The following MRPL43 variants were observed in gnomAD, a reference collection of about 807,000 sequenced individuals.
MRPL43 encodes large ribosomal subunit protein mL43.
A neutral mutation model predicts 12.7 loss-of-function variants in MRPL43; 9 were observed. That is an observed-to-expected ratio of 0.71 (90% CI 0.43 to 1.24). MRPL43 has a LOEUF of 1.24. MRPL43 is among the 50% of genes most tolerant of loss of function. MRPL43 has a pLI of 0.00. For missense variants in MRPL43, 211 were observed against 229.2 expected (o/e 0.92, Z 0.51); for synonymous variants, 116 against 96.4 (o/e 1.20, Z -1.19).
At chr10:100,978,414 A>AGAC, downstream of MRPL43, 1 of 1,609,222 alleles carries the variant, frequency 6.2e-7, no homozygotes, top group South Asian at 1.1e-5. Context: ...TCCCTATCAC[A>AGAC]GACATGGTAT....
intron 2 of MRPL43, 56 bp from the exon 3 acceptor site, chr10:100,987,031 G>A (rs1193914182): frequency 1.2e-6 from 2 of 1,607,118 alleles, no homozygotes; most frequent in Non-Finnish European, 1.7e-6. Flanking sequence ...CAAGCGAGAA[G>A]GAGGATAGCG....
At chr10:100,978,542 C>T (rs773841551), downstream of MRPL43, 16 of 1,613,996 alleles carry the variant, frequency 9.9e-6, no homozygotes, top group Non-Finnish European at 1.1e-5. Context: ...GGCCTCTACA[C>T]AGCCACTAGG....
chr10:100,986,175 C>T (rs1851453266), downstream of MRPL43: 4 of 575,954 alleles, frequency 6.9e-6, no homozygotes, highest in Non-Finnish European at 9.5e-6. Flanking sequence ...TTGATACTAA[C>T]CACCTGACAG....
chr10:100,987,210 G>A lies in MRPL43; in HGVS notation c.132-14C>T. 1.2e-6 allele frequency: 2 copies of A among 1,613,720 alleles called. No individual in the cohort carries two copies. The highest frequency in any genetic ancestry group is 2.2e-5 in the South Asian group (2 of 91,092). On this transcript the variant is annotated splice_polypyrimidine_tract_variant and intron_variant, in intron 1 of 2. Transcript: ENST00000318364. ...TCCACGAACTCCCTAAGCGACCCGG[G>A]ACAGTGAGCAGTATGACCCCTGACT...
downstream of MRPL43, among the ~76,000 whole-genome samples, chr10:100,979,555 G>A (rs1235453784): frequency 1.3e-5 from 2 of 152,054 alleles, no homozygotes; most frequent in Admixed American, 1.3e-4. Context: ...GCTAATTTTT[G>A]TATTTTTAAT....
Position 100,986,751 on chromosome 10 carries a change from G to A in MRPL43, c.463C>T (p.Gln155Ter), listed in dbSNP as rs373156481. 6.2e-7 allele frequency: 1 copy of A among 1,613,904 alleles called. No homozygotes were observed. ...GCAACTCTTCACTGTGCTTGCACCT[G>A]GGCTGGGGCAGGATCCTGAACCTCT... is the stretch of plus-strand genomic sequence containing the variant. ...PREVQDPAPAQVQAQ is the reference protein window; with the variant it reads ...PREVQDPAPA Residue 155 changes from glutamine (Q) to a stop codon, truncating the protein, a stop_gained, in exon 3 of 3, where the codon CAG becomes TAG. Transcript: ENST00000318364. LOFTEE classifies it high-confidence loss of function.
At position 100,986,707 on chromosome 10, in the gene MRPL43, T is replaced by C; in HGVS notation, c.*27A>G. ...TTTACCGGAGTAACAGTCCAAAGCC[T>C]GGGGCTGCAGTTGGTGGGGCAACTC... On this transcript the variant is annotated 3_prime_UTR_variant, in exon 3 of 3. Coordinates refer to ENST00000318364, the MANE Select transcript of MRPL43 (RefSeq NM_032112.3). The C allele has an allele frequency of 6.2e-7, 1 of 1,613,878 alleles. No individual in the cohort carries two copies. Among genetic ancestry groups the C allele is most frequent in the South Asian group, 1.1e-5 (1 of 91,080 alleles).
At chr10:100,983,758 G>A, downstream of MRPL43, 1 of 1,611,878 alleles carries the variant, frequency 6.2e-7, no homozygotes, top group Non-Finnish European at 8.5e-7. Flanking sequence ...TACTCACTGG[G>A]TCGGGCCAGC....
chr10:100,980,411 C>T, downstream of MRPL43: 1 of 1,489,796 alleles, frequency 6.7e-7, no homozygotes, highest in Admixed American at 1.7e-5. Context: ...TCCATTAATT[C>T]CTGCCATGAC....
At chr10:100,977,840 T>A, downstream of MRPL43, 1 of 925,574 alleles carries the variant, frequency 1.1e-6, no homozygotes, top group Non-Finnish European at 1.7e-6. Context: ...GGATGGTTTA[T>A]TAAGGGGACT....
chr10:100,978,543 A>G (rs759183570), downstream of MRPL43: 99 of 1,613,986 alleles, frequency 6.1e-5, no homozygotes, highest in Non-Finnish European at 8.1e-5. Flanking sequence ...GCCTCTACAC[A>G]GCCACTAGGT....
downstream of MRPL43, chr10:100,981,262 C>T (rs200927600): frequency 4.5e-5 from 73 of 1,609,050 alleles, no homozygotes; most frequent in Middle Eastern, 1.7e-4. Context: ...GGTCTAGCTA[C>T]GCAGACTGTC....
At chr10:100,981,551 AAG>A, downstream of MRPL43, 1 of 1,613,866 alleles carries the variant, frequency 6.2e-7, no homozygotes, top group Non-Finnish European at 8.5e-7. Flanking sequence ...TATCTGAAGA[AAG>A]AACAAAAGTT....
chr10:100,979,969 G>A (rs1390825588), downstream of MRPL43: 3 of 1,614,086 alleles, frequency 1.9e-6, no homozygotes, highest in South Asian at 3.3e-5. Flanking sequence ...TGAGGGTGGG[G>A]TGCCTGAGCC....
rs780912419 is a variant in MRPL43, at chr10:100,987,458, G to C, written c.-15C>G. On this transcript the variant is annotated 5_prime_UTR_variant, in exon 1 of 3. Coordinates refer to ENST00000318364, the MANE Select transcript of MRPL43 (RefSeq NM_032112.3). ...CGCGCCGTCATAGCTACAGCTTGGA[G>C]GCCGCGGAGCCTAAGCAGCGAGGAG... is the stretch of plus-strand genomic sequence containing the variant. The C allele has an allele frequency of 1.9e-6, 3 of 1,611,330 alleles. No individual in the cohort carries two copies. The highest frequency in any genetic ancestry group is 2.5e-6 in the Non-Finnish European group (3 of 1,179,468).
chr10:100,986,338 T>TA lies in MRPL43; in HGVS notation c.*395dup. The stretch of plus-strand genomic sequence containing the variant: ...TGTATTCACACAGATATAAAGTGCC[T>TA]AGCCCATCACAGCAGAGCTCTCCGT... On this transcript the variant is annotated 3_prime_UTR_variant, in exon 3 of 3. Transcript: ENST00000318364. 1 of 1,437,742 alleles carries TA rather than the reference T, an allele frequency of 7.0e-7. No homozygotes were observed. The highest frequency in any genetic ancestry group is 9.1e-7 in the Non-Finnish European group (1 of 1,101,310). 89.1% of individuals were successfully genotyped at this position (1,437,742 alleles called of 1,614,324 possible). A position where few individuals can be genotyped will look rare whatever the true frequency, so the allele number is the denominator to read the frequency against.
chr10:100,986,342 C>T lies in MRPL43; in HGVS notation c.*392G>A, dbSNP rs1851462897. On this transcript the variant is annotated 3_prime_UTR_variant, in exon 3 of 3. Coordinates refer to ENST00000318364, the MANE Select transcript of MRPL43 (RefSeq NM_032112.3). The stretch of plus-strand genomic sequence containing the variant: ...TTCACACAGATATAAAGTGCCTAGC[C>T]CATCACAGCAGAGCTCTCCGTAGCT... 2 of 1,438,206 alleles carry T rather than the reference C, an allele frequency of 1.4e-6. No individual in the cohort carries two copies. The highest frequency in any genetic ancestry group is 2.5e-5 in the East Asian group (1 of 39,966). The allele number at this position is 1,438,206 out of a possible 1,614,324, so 89.1% of individuals were successfully genotyped here.
At chr10:100,980,362 C>G, downstream of MRPL43, 1 of 1,602,138 alleles carries the variant, frequency 6.2e-7, no homozygotes, top group Admixed American at 1.7e-5. Context: ...TGATCCCAAT[C>G]CCTGATCCCT....
At chr10:100,983,545 C>A, downstream of MRPL43, 1 of 1,614,088 alleles carries the variant, frequency 6.2e-7, no homozygotes, top group Non-Finnish European at 8.5e-7. Context: ...ACCCTGCTGG[C>A]CTCCTATAGT....
Sources: allele counts gnomAD v4.1 joint callset (sites outside exome capture counted in the v4.1 genomes callset), GRCh38; gene constraint gnomAD v4.1.1; transcripts MANE v1.5; gene names NCBI Gene and HGNC (gene_info 2026-07-23, HGNC 2026-07-21).